Variants in ZNF423 observed in about 807,000 individuals in gnomAD.
ZNF423 encodes the protein Ebf-associated zinc finger protein.
A neutral mutation model predicts 95.8 loss-of-function variants in ZNF423; 12 were observed. The observed-to-expected ratio is 0.13, with a 90% CI of 0.08 to 0.20. ZNF423 has a LOEUF of 0.20. Among genes scored for constraint, ZNF423 ranks in the 10% least tolerant of loss-of-function variants. The probability of loss-of-function intolerance (pLI) is 1.00; values close to 1 mark genes in which losing one functional copy is unlikely to be tolerated. For missense variants in ZNF423, 1,316 were observed against 1,737.1 expected, an observed-to-expected ratio of 0.76 and a Z score of 4.31; for synonymous variants, 749 against 711.9, an observed-to-expected ratio of 1.05 and a Z score of -0.83.
At chr16:49,570,874 C>G (rs1433818580) in intron 5 of ZNF423, among the ~76,000 whole-genome samples, 1 of 152,216 alleles carries the variant, frequency 6.6e-6, no homozygotes, top group African/African-American at 2.4e-5. Context: ...ACAAGTGTGT[C>G]AGCAGAGGTC....
At position 49,607,222 on chromosome 16, in the gene ZNF423, AT is replaced by A. The variant is rs1449995956; in HGVS notation, c.3601+18947del. On this transcript the variant is annotated intron_variant, in intron 5 of 7. Transcript: ENST00000563137. ...TCATGAAAACCCCACTCAGGATAGCATTTTTTGTGGTCCTTGCATAGTGAAA... is the reference window on the plus strand; with the variant it reads ...TCATGAAAACCCCACTCAGGATAGCATTTTTGTGGTCCTTGCATAGTGAAA... 3.3e-5 allele frequency among the ~76,000 whole-genome samples: 5 copies of A among 152,126 alleles called. No individual in the cohort carries two copies. In the East Asian group the frequency reaches 9.7e-4, roughly 29 times the overall value.
intron 3 of ZNF423, among the ~76,000 whole-genome samples, chr16:49,680,514 C>T (rs1444458289): frequency 1.3e-5 from 2 of 152,222 alleles, no homozygotes; most frequent in African/African-American, 4.8e-5. Context: ...TGAGCCCAGA[C>T]CTAGAGGCTC....
chr16:49,854,440 A>G (rs1418030955), intron 1 of ZNF423: 1 of 985,282 alleles, frequency 1.0e-6, no homozygotes, highest in Non-Finnish European at 1.2e-6. Flanking sequence ...GCAGGAAGGG[A>G]GCGGGGCCCC....
rs757086620 is a variant in ZNF423, at chr16:49,638,433, T to G, written c.743A>C (p.His248Pro). Residue 248 changes from histidine to proline, a missense_variant, in exon 4 of 8, where the codon CAC becomes CCC. His to Pro is a moderately conservative substitution (Grantham distance 77). Transcript: ENST00000563137. The surrounding 1 kb of genome is among the most constrained non-coding windows in gnomAD (Gnocchi z 5.6). ...GFSSTSSLQSHMQAHKKNKEH... is the reference protein window; with the variant it reads ...GFSSTSSLQSPMQAHKKNKEH... ...CTTGTTCTTTTTGTGGGCCTGCATG[T>G]GGCTCTGCAGCGAGCTGGTGGAGGA... The G allele has an allele frequency of 6.2e-7, 1 of 1,613,920 alleles. No homozygotes were observed. Among genetic ancestry groups the G allele is most frequent in the Non-Finnish European group, 8.5e-7 (1 of 1,180,040 alleles).
chr16:49,653,913 A>G (rs16947792), intron 3 of ZNF423, among the ~76,000 whole-genome samples: 25,506 of 152,066 alleles, frequency 0.17, 2,280 homozygotes, highest in East Asian at 0.23. Context: ...GTCATAGTGA[A>G]CCACTTTTTG....
intron 2 of ZNF423, among the ~76,000 whole-genome samples, chr16:49,743,228 G>A (rs1014766559): frequency 6.6e-6 from 1 of 152,120 alleles, no homozygotes; most frequent in Non-Finnish European, 1.5e-5. Flanking sequence ...AAGTTCACCT[G>A]CCCAACTCCT....
chr16:49,553,289 T>C (rs1465264994), intron 5 of ZNF423, among the ~76,000 whole-genome samples: 1 of 152,150 alleles, frequency 6.6e-6, no homozygotes, highest in Admixed American at 6.5e-5. Context: ...TTCAATATTA[T>C]GGTCATGATT....
chr16:49,760,365 T>C (rs1158890052), intron 2 of ZNF423, among the ~76,000 whole-genome samples: 2 of 151,954 alleles, frequency 1.3e-5, no homozygotes, highest in Non-Finnish European at 2.9e-5. Flanking sequence ...GATGGATGGA[T>C]GAACTAATGA....
At chr16:49,796,609 G>A (rs2034503087) in intron 1 of ZNF423, among the ~76,000 whole-genome samples, 1 of 152,204 alleles carries the variant, frequency 6.6e-6, no homozygotes, top group African/African-American at 2.4e-5. Flanking sequence ...AAAGCTCGGG[G>A]GACAGATTCT....
At chr16:49,732,874 C>T (rs1032344402) in intron 2 of ZNF423, among the ~76,000 whole-genome samples, 7 of 152,310 alleles carry the variant, frequency 4.6e-5, no homozygotes, top group East Asian at 1.9e-4. Flanking sequence ...GAACGTTGCA[C>T]GACACGCCGC....
chr16:49,803,837 G>T (rs1396661906), intron 1 of ZNF423, among the ~76,000 whole-genome samples: 6 of 151,996 alleles, frequency 3.9e-5, no homozygotes, highest in Admixed American at 3.9e-4. Context: ...CTAGGGAAGG[G>T]GAAAGGCAGA....
At chr16:49,545,231 T>G (rs1349290213) in intron 5 of ZNF423, among the ~76,000 whole-genome samples, 2 of 152,182 alleles carry the variant, frequency 1.3e-5, no homozygotes, top group African/African-American at 4.8e-5. Context: ...ATTCTGCAAG[T>G]TGGAACACTA....
At chr16:49,701,324 C>T (rs978481405) in intron 3 of ZNF423, among the ~76,000 whole-genome samples, 6 of 152,190 alleles carry the variant, frequency 3.9e-5, no homozygotes, top group Admixed American at 2.6e-4. Flanking sequence ...CAGCAAAATG[C>T]TTGCAAAAAA....
intron 3 of ZNF423, among the ~76,000 whole-genome samples, chr16:49,647,263 C>A (rs760639253): frequency 2.6e-5 from 4 of 152,252 alleles, no homozygotes; most frequent in South Asian, 2.1e-4. Flanking sequence ...TAGGCTGGGT[C>A]TGATGCCAAG....
chr16:49,518,386 G>GT (rs1968242391), intron 7 of ZNF423: 10 of 434,922 alleles, frequency 2.3e-5, no homozygotes, highest in South Asian at 1.7e-4. Context: ...GGGAACCACA[G>GT]TTTCCAAATT....
intron 3 of ZNF423, among the ~76,000 whole-genome samples, chr16:49,672,772 C>T (rs933931114): frequency 3.3e-5 from 5 of 152,106 alleles, no homozygotes; most frequent in Non-Finnish European, 5.9e-5. Flanking sequence ...GAGCCGAGAT[C>T]GCGTCATTAC....
At chr16:49,535,880 T>C (rs1969039311) in intron 5 of ZNF423, among the ~76,000 whole-genome samples, 1 of 152,194 alleles carries the variant, frequency 6.6e-6, no homozygotes, top group Non-Finnish European at 1.5e-5. Context: ...TAAACATCCA[T>C]CATGTTAATA....
At chr16:49,772,827 C>T (rs1031487596) in intron 2 of ZNF423, among the ~76,000 whole-genome samples, 1 of 152,164 alleles carries the variant, frequency 6.6e-6, no homozygotes, top group Non-Finnish European at 1.5e-5. Flanking sequence ...TGTATTAGTC[C>T]ATTCTCACAC....
intron 1 of ZNF423, among the ~76,000 whole-genome samples, chr16:49,821,525 C>T (rs1464420853): frequency 6.6e-6 from 1 of 152,128 alleles, no homozygotes; most frequent in Non-Finnish European, 1.5e-5. Context: ...GGGCTCGAGG[C>T]GTGGTCTGCA....
Sources: allele counts gnomAD v4.1 joint callset (sites outside exome capture counted in the v4.1 genomes callset), GRCh38; gene constraint gnomAD v4.1.1; non-coding constraint Gnocchi (gnomAD v3.1); transcripts MANE v1.5; gene names NCBI Gene and HGNC (gene_info 2026-07-23, HGNC 2026-07-21).